Variants in NSF observed in about 807,000 individuals in gnomAD.
The protein encoded by NSF is N-ethylmaleimide sensitive factor, vesicle fusing ATPase, also known as vesicle-fusing ATPase.
Under a neutral mutation model 50.3 loss-of-function variants are expected in NSF, and 14 were observed. The ratio of observed to expected loss-of-function variants is 0.28; its 90% CI spans 0.18 to 0.44. The LOEUF (loss-of-function observed/expected upper bound fraction) is 0.44, where lower values mean the gene tolerates loss of function less well. NSF is among the 20% of genes least tolerant of loss of function. The pLI is 1.00. For missense variants in NSF, 218 were observed against 504.3 expected (o/e 0.43, Z 5.44); for synonymous variants, 109 against 175.7 (o/e 0.62, Z 3.00).
intron 19 of NSF, among the ~76,000 whole-genome samples, chr17:46,752,498 C>T (rs1208622994): frequency 1.3e-5 from 2 of 152,138 alleles, no homozygotes; most frequent in Admixed American, 1.3e-4. Flanking sequence ...CTCTGTCTCC[C>T]AGGCCGGAAT....
chr17:46,721,083 C>T (rs2058825967), intron 15 of NSF, among the ~76,000 whole-genome samples: 1 of 152,202 alleles, frequency 6.6e-6, no homozygotes, highest in Non-Finnish European at 1.5e-5. Context: ...TTCAGACCTG[C>T]CCCTAATCCC....
intron 1 of NSF, among the ~76,000 whole-genome samples, chr17:46,605,995 C>CAAAAAAAAAAAAAAAAA (rs59118188): frequency 2.0e-5 from 1 of 51,054 alleles, no homozygotes; most frequent in African/African-American, 1.0e-4. Context: ...ACTAAAAATA[C>CAAAAAAAAAAAAAAAAA]AAAAAAAAAA....
chr17:46,724,581 C>T (rs1273138645), intron 15 of NSF, among the ~76,000 whole-genome samples: 2 of 152,204 alleles, frequency 1.3e-5, no homozygotes, highest in African/African-American at 2.4e-5. Context: ...TGGGGAAATA[C>T]TGCCTACCCT....
intron 13 of NSF, among the ~76,000 whole-genome samples, chr17:46,707,220 GT>G (rs1428336532): frequency 6.6e-6 from 1 of 152,194 alleles, no homozygotes; most frequent in African/African-American, 2.4e-5. Context: ...TTGCATTTTA[GT>G]TATTAGAGAA....
intron 17 of NSF, among the ~76,000 whole-genome samples, chr17:46,729,279 T>A (rs1459343224): frequency 6.6e-6 from 1 of 152,228 alleles, no homozygotes; most frequent in African/African-American, 2.4e-5. Flanking sequence ...GCATTGAATA[T>A]GTTCCCATAT....
chr17:46,714,753 T>C (rs1408361899), intron 15 of NSF, among the ~76,000 whole-genome samples: 1 of 152,252 alleles, frequency 6.6e-6, no homozygotes, highest in Non-Finnish European at 1.5e-5. Context: ...AAATTATTTT[T>C]TGTATCCAGC....
At chr17:46,746,571 C>A (rs1008613719) in intron 17 of NSF, among the ~76,000 whole-genome samples, 1 of 151,968 alleles carries the variant, frequency 6.6e-6, no homozygotes, top group Non-Finnish European at 1.5e-5. Flanking sequence ...TTACTGAAGA[C>A]TTATCTATGG....
Position 46,751,555 on chromosome 17 carries a change from A to C in NSF, c.2096A>C (p.Lys699Thr). ...KERTTIAQQVKGKKVWIGIKK... is the reference protein window; with the variant it reads ...KERTTIAQQVTGKKVWIGIKK... ...CGCACCACAATTGCACAGCAAGTCAAAGGGAAGAAGGTCTGGATAGGAATC... is the reference window on the plus strand; with the variant it reads ...CGCACCACAATTGCACAGCAAGTCACAGGGAAGAAGGTCTGGATAGGAATC... The change falls in exon 19 of 21, where the codon AAA (lysine) becomes ACA (threonine). Residue 699 changes from lysine (K) to threonine (T), a missense_variant. By Grantham distance (78) the Lys-to-Thr change is moderately conservative. Transcript: ENST00000398238. The C allele has an allele frequency of 6.2e-7, 1 of 1,614,106 alleles. No homozygotes were observed. Among genetic ancestry groups the C allele is most frequent in the Non-Finnish European group, 8.5e-7 (1 of 1,179,996 alleles).
chr17:46,753,076 T>C (rs1199637269), intron 19 of NSF, among the ~76,000 whole-genome samples: 1 of 152,218 alleles, frequency 6.6e-6, no homozygotes, highest in Non-Finnish European at 1.5e-5. Context: ...GCCAGTAAAC[T>C]TCTGTTGGAT....
At chr17:46,698,010 A>G (rs2146241656) in intron 12 of NSF, among the ~76,000 whole-genome samples, 1 of 46,446 alleles carries the variant, frequency 2.2e-5, no homozygotes, top group East Asian at 6.3e-4. Flanking sequence ...TGTTTTAATA[A>G]GAAGAGATGG....
At chr17:46,736,953 A>C (rs1249527365) in intron 17 of NSF, among the ~76,000 whole-genome samples, 7 of 152,224 alleles carry the variant, frequency 4.6e-5, no homozygotes, top group Admixed American at 4.6e-4. Flanking sequence ...AGTGTGACTA[A>C]AGTTGACCAA....
At chr17:46,743,072 C>A (rs145358388) in intron 17 of NSF, among the ~76,000 whole-genome samples, 228 of 152,208 alleles carry the variant, frequency 1.5e-3, no homozygotes, top group African/African-American at 5.3e-3. Flanking sequence ...GTGAGTCACC[C>A]CACTGCCATG....
chr17:46,726,501 G>A (rs552848102), intron 15 of NSF, 48 bp from the exon 16 acceptor site: 47 of 1,551,590 alleles, frequency 3.0e-5, no homozygotes, highest in Non-Finnish European at 3.7e-5. Context: ...GGAAATTGTC[G>A]TAACTGTGGA....
chr17:46,749,769 T>C lies in NSF; in HGVS notation c.1909-4T>C. The C allele has an allele frequency of 1.9e-6, 3 of 1,612,310 alleles. No individual in the cohort carries two copies. Among genetic ancestry groups the C allele is most frequent in the Non-Finnish European group, 1.7e-6 (2 of 1,178,818 alleles). Reference sequence around the variant, plus strand: ...ATTTTAACACATTTTCTCCCTATGATCAGGGCCGCAAGCTTCTTATCATTG... The same window carrying C: ...ATTTTAACACATTTTCTCCCTATGACCAGGGCCGCAAGCTTCTTATCATTG... On this transcript the variant is annotated splice_polypyrimidine_tract_variant and splice_region_variant and intron_variant, in intron 17 of 20. Coordinates refer to ENST00000398238, the MANE Select transcript of NSF (RefSeq NM_006178.4).
intron 9 of NSF, among the ~76,000 whole-genome samples, chr17:46,690,641 ATTG>A (rs1469123976): frequency 7.7e-6 from 1 of 130,384 alleles, no homozygotes; most frequent in Non-Finnish European, 1.6e-5. Context: ...ATATATATAT[ATTG>A]TATAGGGATG....
At chr17:46,706,976 G>A (rs1391532090) in intron 13 of NSF, among the ~76,000 whole-genome samples, 2 of 146,614 alleles carry the variant, frequency 1.4e-5, no homozygotes, top group Non-Finnish European at 3.0e-5. Context: ...TCAGCCTCCC[G>A]AGTAGCTGGG....
chr17:46,722,997 T>G, intron 15 of NSF, among the ~76,000 whole-genome samples: 1 of 152,176 alleles, frequency 6.6e-6, no homozygotes, highest in South Asian at 2.1e-4. Flanking sequence ...GCTGCAGGTA[T>G]TTTTCCTCTC....
chr17:46,747,689 G>A (rs986249816), intron 17 of NSF, among the ~76,000 whole-genome samples: 9 of 152,128 alleles, frequency 5.9e-5, no homozygotes, highest in Non-Finnish European at 1.0e-4. Context: ...TGTAAAGGTT[G>A]GAAGATAAAA....
chr17:46,703,549 G>A (rs2146244741), intron 12 of NSF, among the ~76,000 whole-genome samples: 1 of 148,758 alleles, frequency 6.7e-6, no homozygotes, highest in Non-Finnish European at 1.5e-5. Flanking sequence ...GGGCGTGGTG[G>A]TGGGCACCTG....
Sources: gnomAD v4.1 joint callset for allele counts (sites outside exome capture counted in the v4.1 genomes callset) on GRCh38, gnomAD v4.1.1 for gene constraint, MANE v1.5 for transcripts, NCBI Gene and HGNC (gene_info 2026-07-23, HGNC 2026-07-21) for gene names.